Variants in TXNDC16 observed in about 807,000 individuals in gnomAD.
TXNDC16 encodes the protein thioredoxin domain-containing protein 16.
In TXNDC16, 74 loss-of-function variants were observed where a neutral mutation model predicts 85.6. The observed-to-expected ratio is 0.86, with a 90% CI of 0.72 to 1.05. The LOEUF (loss-of-function observed/expected upper bound fraction) is 1.05. Among genes scored for constraint, TXNDC16 ranks in the 50% least tolerant of loss-of-function variants. The pLI, the probability that TXNDC16 is intolerant of heterozygous loss-of-function variation, is 0.00. For synonymous variants in TXNDC16, 335 were observed against 326.5 expected (o/e 1.03, Z -0.28); for missense variants, 959 against 947.0 (o/e 1.01, Z -0.17).
chr14:52,518,390 CA>C (rs1232241064), intron 7 of TXNDC16, among the ~76,000 whole-genome samples: 3 of 152,184 alleles, frequency 2.0e-5, no homozygotes, highest in African/African-American at 7.2e-5. Flanking sequence ...GCTTCCTCTC[CA>C]AATTATCTAT....
chr14:52,515,667 ATATG>A (rs2037064837), intron 7 of TXNDC16, among the ~76,000 whole-genome samples: 2 of 107,526 alleles, frequency 1.9e-5, no homozygotes, highest in East Asian at 2.7e-4. Context: ...TATTTCATAC[ATATG>A]TGTGTGTGTG....
At chr14:52,497,894 A>G (rs893504561) in intron 9 of TXNDC16, among the ~76,000 whole-genome samples, 1 of 151,844 alleles carries the variant, frequency 6.6e-6, no homozygotes. Flanking sequence ...AAAAAAAAAA[A>G]AAAAAACCTA....
chr14:52,470,880 T>A (rs1594706069), intron 14 of TXNDC16, among the ~76,000 whole-genome samples, 200 bp from the exon 15 acceptor site: 1 of 152,172 alleles, frequency 6.6e-6, no homozygotes, highest in African/African-American at 2.4e-5. Flanking sequence ...TCCTTTTTGT[T>A]CCCTTTTGCA....
chr14:52,512,683 G>A (rs1038671342), intron 8 of TXNDC16, among the ~76,000 whole-genome samples: 1 of 152,162 alleles, frequency 6.6e-6, no homozygotes, highest in Non-Finnish European at 1.5e-5. Context: ...AAACTTATTT[G>A]AAGTTTATAA....
intron 7 of TXNDC16, among the ~76,000 whole-genome samples, chr14:52,516,942 T>C (rs2037097016): frequency 1.3e-5 from 2 of 152,156 alleles, no homozygotes; most frequent in Admixed American, 6.5e-5. Flanking sequence ...AGGTAGATCA[T>C]CCTTTCAAAA....
intron 9 of TXNDC16, 92 bp from the exon 10 acceptor site, chr14:52,491,097 G>GT (rs1197394236): frequency 8.0e-6 from 11 of 1,375,042 alleles, no homozygotes; most frequent in African/African-American, 1.5e-5. Context: ...AAAGTCATGA[G>GT]TAAAAAAAAG....
intron 14 of TXNDC16, among the ~76,000 whole-genome samples, chr14:52,476,424 A>C (rs1373340029): frequency 6.6e-6 from 1 of 152,170 alleles, no homozygotes; most frequent in Admixed American, 6.5e-5. Flanking sequence ...AATGTAAGGA[A>C]ACTGAAAAAA....
In TXNDC16 at chr14:52,504,615, C is replaced by T. The variant is rs1231063321; in HGVS notation, c.756+6625G>A. Among the ~76,000 whole-genome samples the T allele has an allele frequency of 2.0e-5, 3 of 152,190 alleles. No homozygotes were observed. In the East Asian group the frequency reaches 5.8e-4, roughly 29 times the overall value. ...CAACCGGTACCAGCCACTGCAAAAACATTCCAAATTGTAAAGACCATCAAT... is the reference window on the plus strand; with the variant it reads ...CAACCGGTACCAGCCACTGCAAAAATATTCCAAATTGTAAAGACCATCAAT... On this transcript the variant is annotated intron_variant, in intron 9 of 20. Coordinates refer to ENST00000281741, the MANE Select transcript of TXNDC16 (RefSeq NM_020784.3).
In TXNDC16 at chr14:52,491,013, G is replaced by GAAAAA; in HGVS notation, c.757-13_757-9dup. 28 of 1,194,746 alleles carry GAAAAA rather than the reference G, an allele frequency of 2.3e-5. No individual in the cohort carries two copies. The highest frequency in any genetic ancestry group is 1.8e-4 in the South Asian group (9 of 51,428). The allele number at this position is 1,194,746 out of a possible 1,614,324, so 74.0% of individuals were successfully genotyped here. A position where few individuals can be genotyped will look rare whatever the true frequency, so the allele number is the denominator to read the frequency against. On this transcript the variant is annotated splice_polypyrimidine_tract_variant and intron_variant, in intron 9 of 20. Transcript: ENST00000281741. The stretch of plus-strand genomic sequence containing the variant: ...ATCTTCAGCAACTTCAGTCTTCATT[G>GAAAAA]AAAAAAAAAAAAAAAAAAGGTGTGA...
At chr14:52,455,268 C>A in intron 18 of TXNDC16, 56 bp downstream of exon 18, 1 of 1,599,428 alleles carries the variant, frequency 6.3e-7, no homozygotes, top group Non-Finnish European at 8.5e-7. Flanking sequence ...CATATACTAC[C>A]TTTGACTGAT....
intron 16 of TXNDC16, among the ~76,000 whole-genome samples, chr14:52,467,209 GA>G (rs201371054): frequency 3.0e-4 from 45 of 151,386 alleles, no homozygotes; most frequent in African/African-American, 1.1e-3. Context: ...TTAACTATTA[GA>G]AAAAAAATTA....
intron 19 of TXNDC16, 142 bp downstream of exon 19, chr14:52,440,422 T>C (rs1165730892): frequency 1.8e-6 from 1 of 563,802 alleles, no homozygotes; most frequent in Non-Finnish European, 2.7e-6. Flanking sequence ...TTTGGGGGAG[T>C]TTTGTTACTA....
chr14:52,466,882 T>A (rs932948778), intron 16 of TXNDC16, among the ~76,000 whole-genome samples: 20 of 148,916 alleles, frequency 1.3e-4, no homozygotes, highest in South Asian at 4.2e-4. Flanking sequence ...ATAATAATAA[T>A]AAAAAATAAA....
chr14:52,528,930 T>G (rs1049184770), intron 6 of TXNDC16, among the ~76,000 whole-genome samples: 1 of 147,770 alleles, frequency 6.8e-6, no homozygotes. Flanking sequence ...CTATTATATA[T>G]TGTCTATAAT....
In TXNDC16 at chr14:52,490,376, C is replaced by T. The variant is rs377457848; in HGVS notation, c.984+15G>A. ...AATAAACAGATATTGTAGAACAATA[C>T]ATAAAACAACTAACCTCTTCTGCTC... is the stretch of plus-strand genomic sequence containing the variant. On this transcript the variant is annotated intron_variant, in intron 11 of 20. Transcript: ENST00000281741. 2.3e-5 allele frequency: 36 copies of T among 1,570,512 alleles called. No homozygotes were observed. The highest frequency in any genetic ancestry group is 3.1e-5 in the Non-Finnish European group (36 of 1,159,230).
At chr14:52,506,447 C>A (rs551359354) in intron 9 of TXNDC16, among the ~76,000 whole-genome samples, 1 of 149,398 alleles carries the variant, frequency 6.7e-6, no homozygotes. Context: ...CGTAATCCAG[C>A]ATATAAACAG....
rs2037509451 is a variant in TXNDC16, at chr14:52,530,428, TA to T, written c.392+6290del. Among the ~76,000 whole-genome samples the T allele has an allele frequency of 1.4e-4, 3 of 21,468 alleles. 1 individual carries two copies. Among genetic ancestry groups the T allele is most frequent in the African/African-American group, 8.0e-4 (3 of 3,750 alleles). The allele number at this position is 21,468 out of a possible 152,430, so 14.1% of individuals were successfully genotyped here. ...TATAATTATTATATAATATTATATA[TA>T]ATAATATATAATATATTATTATATA... On this transcript the variant is annotated intron_variant, in intron 6 of 20. Coordinates refer to ENST00000281741, the MANE Select transcript of TXNDC16 (RefSeq NM_020784.3).
At chr14:52,509,486 T>C (rs577929062) in intron 9 of TXNDC16, among the ~76,000 whole-genome samples, 85 of 116,174 alleles carry the variant, frequency 7.3e-4, no homozygotes, top group Non-Finnish European at 1.3e-3. Context: ...ACCTTTAAAC[T>C]GCTTTCTTTA....
chr14:52,547,324 T>C (rs535295409), intron 1 of TXNDC16, among the ~76,000 whole-genome samples: 62 of 152,182 alleles, frequency 4.1e-4, no homozygotes, highest in African/African-American at 1.4e-3. Flanking sequence ...CTGTAGGGCA[T>C]GTGCAGAGTA....
Sources: allele counts gnomAD v4.1 joint callset (sites outside exome capture counted in the v4.1 genomes callset), GRCh38; gene constraint gnomAD v4.1.1; transcripts MANE v1.5; gene names NCBI Gene and HGNC (gene_info 2026-07-23, HGNC 2026-07-21).